Variants in PCNX2 observed in about 807,000 individuals in gnomAD.
PCNX2 encodes pecanex 2, also known as pecanex-like protein 2.
Under a neutral mutation model 223.8 loss-of-function variants are expected in PCNX2, and 168 were observed. That is an observed-to-expected ratio of 0.75 (90% CI 0.66 to 0.85). The LOEUF (loss-of-function observed/expected upper bound fraction) is 0.85. PCNX2 is among the 40% of genes least tolerant of loss of function. The probability of loss-of-function intolerance (pLI) is 0.00; values close to 1 mark genes in which losing one functional copy is unlikely to be tolerated. For missense variants in PCNX2, 2,507 were observed against 2,675.5 expected (o/e 0.94, Z 1.39); for synonymous variants, 1,006 against 1,052.6 (o/e 0.96, Z 0.86).
intron 17 of PCNX2, among the ~76,000 whole-genome samples, chr1:233,171,325 A>G (rs1466009988): frequency 6.6e-6 from 1 of 151,270 alleles, no homozygotes; most frequent in African/African-American, 2.4e-5. Flanking sequence ...TTTTCTCCTC[A>G]AATTACTTTT....
At chr1:233,128,670 C>T (rs77821638) in intron 21 of PCNX2, among the ~76,000 whole-genome samples, 1 of 152,192 alleles carries the variant, frequency 6.6e-6, no homozygotes, top group Non-Finnish European at 1.5e-5. Flanking sequence ...AGGGCCAGTG[C>T]GAGGTCATGA....
At chr1:233,137,905 A>G (rs571893844) in intron 20 of PCNX2, among the ~76,000 whole-genome samples, 3 of 152,326 alleles carry the variant, frequency 2.0e-5, no homozygotes, top group African/African-American at 7.2e-5. Flanking sequence ...TGAATAAGAA[A>G]CAGTGCCTGC....
chr1:233,233,843 C>G (rs1286197832), intron 9 of PCNX2, among the ~76,000 whole-genome samples: 1 of 152,040 alleles, frequency 6.6e-6, no homozygotes, highest in Non-Finnish European at 1.5e-5. Flanking sequence ...TCCAGTAACA[C>G]TGAGCACACC....
chr1:233,087,550 AC>A, intron 23 of PCNX2, among the ~76,000 whole-genome samples: 1 of 152,344 alleles, frequency 6.6e-6, no homozygotes, highest in South Asian at 2.1e-4. Flanking sequence ...AGGATTTGAA[AC>A]TAAAAAAAAG....
At chr1:233,179,032 C>A (rs757151188) in intron 16 of PCNX2, 34 bp downstream of exon 16, 177 of 1,580,712 alleles carry the variant, frequency 1.1e-4, no homozygotes, top group Non-Finnish European at 1.5e-4. Context: ...GCCCCCAGCT[C>A]AGTGATGAGA....
intron 25 of PCNX2, chr1:233,031,785 CTT>C (rs56699256): frequency 5.9e-3 from 5,441 of 916,366 alleles, no homozygotes; most frequent in South Asian, 0.011. Flanking sequence ...TGAAAGCATT[CTT>C]TTTTTTTTTT....
At chr1:233,068,826 T>A (rs1672728408) in intron 23 of PCNX2, among the ~76,000 whole-genome samples, 1 of 151,590 alleles carries the variant, frequency 6.6e-6, no homozygotes, top group Non-Finnish European at 1.5e-5. Context: ...AAACAAAAAA[T>A]TAGTAACAGA....
chr1:233,132,037 A>G (rs1676535041), intron 21 of PCNX2, among the ~76,000 whole-genome samples: 1 of 151,922 alleles, frequency 6.6e-6, no homozygotes, highest in Non-Finnish European at 1.5e-5. Context: ...CCCAGGTTCA[A>G]GCGATTCTCC....
chr1:233,212,683 G>GT (rs764516920), intron 12 of PCNX2, among the ~76,000 whole-genome samples: 3 of 152,256 alleles, frequency 2.0e-5, no homozygotes, highest in Non-Finnish European at 2.9e-5. Context: ...AAAGAGAGCA[G>GT]TAAGAGTGGT....
intron 23 of PCNX2, among the ~76,000 whole-genome samples, chr1:233,088,091 C>A (rs1188061914): frequency 1.3e-5 from 2 of 152,144 alleles, no homozygotes; most frequent in Non-Finnish European, 2.9e-5. Context: ...TCAAAGATGG[C>A]TGAATTTTGG....
rs547201919 is a variant in PCNX2, at chr1:233,270,550, A to T, written c.154-7387T>A. Among the ~76,000 whole-genome samples the T allele has an allele frequency of 1.1e-3, 164 of 152,312 alleles. 1 individual carries two copies. Among genetic ancestry groups the T allele is most frequent in the South Asian group, 3.5e-3 (17 of 4,822 alleles). On this transcript the variant is annotated intron_variant, in intron 1 of 33. Transcript: ENST00000258229. Reference sequence around the variant, plus strand: ...AGGCCCCCCTTGCAAATACCTGTTTAAAAATGATGAGGTAGATGGAATCAA... The same window carrying T: ...AGGCCCCCCTTGCAAATACCTGTTTTAAAATGATGAGGTAGATGGAATCAA...
chr1:233,166,235 A>T (rs1678789789), intron 17 of PCNX2, among the ~76,000 whole-genome samples: 1 of 152,206 alleles, frequency 6.6e-6, no homozygotes, highest in Admixed American at 6.5e-5. Context: ...ACATCTTGAT[A>T]CTTTGCTGCA....
the PCNX2 span, among the ~76,000 whole-genome samples, chr1:233,313,415 A>G: frequency 2.0e-5 from 3 of 152,246 alleles, no homozygotes; most frequent in South Asian, 6.2e-4. Context: ...GGAACAGAGA[A>G]CCAGGAAGTG....
chr1:233,073,866 T>G (rs1383935543), intron 23 of PCNX2, among the ~76,000 whole-genome samples: 1 of 152,214 alleles, frequency 6.6e-6, no homozygotes, highest in Non-Finnish European at 1.5e-5. Context: ...GTGATCATTC[T>G]GTCTTGGTCT....
intron 25 of PCNX2, among the ~76,000 whole-genome samples, chr1:233,026,575 A>T (rs901411580): frequency 3.3e-5 from 5 of 152,172 alleles, no homozygotes; most frequent in African/African-American, 1.2e-4. Context: ...GAGAATGATG[A>T]CTTGGTCCTG....
In PCNX2 at chr1:232,983,998, G is replaced by A. The variant is rs1457295711; in HGVS notation, c.*306C>T. 3 of 253,728 alleles carry A rather than the reference G, an allele frequency of 1.2e-5. No individual in the cohort carries two copies. The highest frequency in any genetic ancestry group is 5.5e-5 in the Admixed American group (1 of 18,168). 15.7% of individuals were successfully genotyped at this position (253,728 alleles called of 1,614,324 possible). ...CTGGAACATGTGTGGTGCTGTCCGC[G>A]GTGTGCCGCTCTGGGCAGCGCTGTG... On this transcript the variant is annotated 3_prime_UTR_variant, in exon 34 of 34. Transcript: ENST00000258229.
At chr1:233,102,782 T>C (rs1674559303) in intron 21 of PCNX2, among the ~76,000 whole-genome samples, 1 of 152,174 alleles carries the variant, frequency 6.6e-6, no homozygotes, top group African/African-American at 2.4e-5. Context: ...GAGTTGAATA[T>C]TTTGTAAATA....
rs146810628 is a variant in PCNX2, at chr1:233,151,268, T to A, written c.3517+9015A>T. ...ATCCTATCCTAGAGAGCTATGAAGGTTAAGCTACTTCTGATAAGATTCCAA... is the reference window on the plus strand; with the variant it reads ...ATCCTATCCTAGAGAGCTATGAAGGATAAGCTACTTCTGATAAGATTCCAA... On this transcript the variant is annotated intron_variant, in intron 19 of 33. Coordinates refer to ENST00000258229, the MANE Select transcript of PCNX2 (RefSeq NM_014801.4). Among the ~76,000 whole-genome samples the A allele has an allele frequency of 1.7e-3, 264 of 152,294 alleles. 1 individual carries two copies. The highest frequency in any genetic ancestry group is 6.1e-3 in the African/African-American group (253 of 41,558).
intron 23 of PCNX2, among the ~76,000 whole-genome samples, chr1:233,080,288 T>C (rs1386576717): frequency 1.3e-5 from 2 of 152,082 alleles, no homozygotes; most frequent in African/African-American, 2.4e-5. Flanking sequence ...TATTCCTACT[T>C]GGGCCATACC....
Sources: gnomAD v4.1 joint callset for allele counts (sites outside exome capture counted in the v4.1 genomes callset) on GRCh38, gnomAD v4.1.1 for gene constraint, MANE v1.5 for transcripts, NCBI Gene and HGNC (gene_info 2026-07-23, HGNC 2026-07-21) for gene names.